The following METTL15 variants were observed in gnomAD, a reference collection of about 807,000 sequenced individuals.
METTL15 encodes methyltransferase 15, mitochondrial 12S rRNA N4-cytidine, also known as 12S rRNA N(4)-cytidine methyltransferase METTL15.
METTL15 carries 34 observed loss-of-function variants against 38.3 expected under a neutral mutation model. The observed-to-expected ratio is 0.89, with a 90% CI of 0.68 to 1.18. The LOEUF (loss-of-function observed/expected upper bound fraction) is 1.18. Among genes scored for constraint, METTL15 ranks in the 50% most tolerant of loss-of-function variants. The pLI is 0.00. For synonymous variants in METTL15, 162 were observed against 170.9 expected (o/e 0.95, Z 0.41); for missense variants, 438 against 498.4 (o/e 0.88, Z 1.15).
intron 5 of METTL15, among the ~76,000 whole-genome samples, chr11:28,383,759 C>G (rs962729090): frequency 6.6e-6 from 1 of 151,904 alleles, no homozygotes; most frequent in Admixed American, 6.6e-5. Flanking sequence ...ATGTGTATGT[C>G]TTCTTTTCAA....
intron 6 of METTL15, among the ~76,000 whole-genome samples, chr11:28,313,845 T>G (rs1857389659): frequency 6.6e-6 from 1 of 152,100 alleles, no homozygotes; most frequent in Admixed American, 6.5e-5. Context: ...TTTAAGGGAT[T>G]TTTTTTGGAA....
At chr11:28,273,239 T>A (rs1855715504) in intron 4 of METTL15, among the ~76,000 whole-genome samples, 1 of 152,122 alleles carries the variant, frequency 6.6e-6, no homozygotes, top group Non-Finnish European at 1.5e-5. Flanking sequence ...TTCTTAAAGA[T>A]CTCAAAAGCA....
chr11:28,210,706 A>G (rs1351411639), intron 3 of METTL15, among the ~76,000 whole-genome samples: 3 of 152,034 alleles, frequency 2.0e-5, no homozygotes, highest in Non-Finnish European at 2.9e-5. Context: ...CCATCTCTAA[A>G]TGAGAAATTA....
chr11:28,271,130 A>G (rs1459017410), intron 4 of METTL15, among the ~76,000 whole-genome samples: 1 of 152,172 alleles, frequency 6.6e-6, no homozygotes, highest in African/African-American at 2.4e-5. Flanking sequence ...TCATTATTAA[A>G]CAGGCCGGAC....
chr11:28,362,111 G>A (rs1467396106), intron 5 of METTL15: 1 of 152,122 alleles, frequency 6.6e-6, no homozygotes, highest in Non-Finnish European at 1.5e-5. Context: ...AACACCAGTT[G>A]TATCAGCAAA....
At chr11:28,338,843 C>G (rs765108555) in intron 3 of METTL15, among the ~76,000 whole-genome samples, 2 of 152,096 alleles carry the variant, frequency 1.3e-5, no homozygotes, top group African/African-American at 4.8e-5. Flanking sequence ...CTTACAACAA[C>G]TAGAAACCCT....
chr11:28,390,816 G>T (rs925243620), intron 5 of METTL15, among the ~76,000 whole-genome samples: 2 of 152,036 alleles, frequency 1.3e-5, no homozygotes, highest in Non-Finnish European at 2.9e-5. Context: ...AAATTACCTT[G>T]GGCAGTATAG....
At chr11:28,500,807 G>A (rs1851576139) in intron 6 of METTL15, among the ~76,000 whole-genome samples, 1 of 152,156 alleles carries the variant, frequency 6.6e-6, no homozygotes, top group African/African-American at 2.4e-5. Context: ...ACAGGCGTGA[G>A]CCACTGCACC....
intron 5 of METTL15, among the ~76,000 whole-genome samples, chr11:28,293,367 G>A (rs1432414630): frequency 6.6e-6 from 1 of 152,164 alleles, no homozygotes; most frequent in Non-Finnish European, 1.5e-5. Context: ...GATAGTTGTA[G>A]ATATGCGGCG....
chr11:28,438,102 C>T (rs1285735276), intron 6 of METTL15, among the ~76,000 whole-genome samples: 2 of 152,184 alleles, frequency 1.3e-5, no homozygotes, highest in African/African-American at 4.8e-5. Context: ...TAAGAAGTTA[C>T]ACTTTACATT....
intron 6 of METTL15, among the ~76,000 whole-genome samples, chr11:28,319,398 T>G (rs564629635): frequency 6.6e-6 from 1 of 151,828 alleles, no homozygotes; most frequent in South Asian, 2.1e-4. Context: ...GGAAAGAAGC[T>G]CAACAACATT....
intron 3 of METTL15, among the ~76,000 whole-genome samples, chr11:28,194,133 T>C (rs1243250831): frequency 8.9e-6 from 1 of 112,448 alleles, no homozygotes; most frequent in African/African-American, 3.4e-5. Context: ...TCTTTCTTTC[T>C]TTCTTTCTTT....
At chr11:28,459,372 AC>A (rs1272045928) in intron 6 of METTL15, among the ~76,000 whole-genome samples, 1 of 152,168 alleles carries the variant, frequency 6.6e-6, no homozygotes, top group African/African-American at 2.4e-5. Context: ...TAAATATTAT[AC>A]AAAATCCCAC....
At position 28,397,467 on chromosome 11, in the gene METTL15, A is replaced by C. The variant is rs527283910; in HGVS notation, c.*359-26832A>C. Among the ~76,000 whole-genome samples the C allele has an allele frequency of 2.5e-3, 387 of 152,316 alleles. 2 individuals carry two copies. Among genetic ancestry groups the C allele is most frequent in the Non-Finnish European group, 4.3e-3 (290 of 68,024 alleles). ...ACTTCTCAAAAGAAGATATTTATGC[A>C]GCCAAAAGACACATGAAAAAATGCT... On this transcript the variant is annotated intron_variant and NMD_transcript_variant, in intron 5 of 7. Transcript: ENST00000532947.
chr11:28,215,978 C>G (rs778629169), intron 4 of METTL15, among the ~76,000 whole-genome samples: 4 of 152,050 alleles, frequency 2.6e-5, no homozygotes, highest in Non-Finnish European at 5.9e-5. Context: ...GCGCTCCAAC[C>G]TTGGTGACAG....
chr11:28,265,093 G>A (rs1855359481), intron 4 of METTL15, among the ~76,000 whole-genome samples: 1 of 152,100 alleles, frequency 6.6e-6, no homozygotes, highest in South Asian at 2.1e-4. Flanking sequence ...ATTCTGTGGT[G>A]TGATAAGAGT....
chr11:28,466,623 C>T lies in METTL15; in HGVS notation c.*424+42259C>T, dbSNP rs923639435. ...CAACCCCAGCCTCACTCCTTCCGTCCGGCTAAGGTGCTGCGGCTCCCTCGG... is the reference window on the plus strand; with the variant it reads ...CAACCCCAGCCTCACTCCTTCCGTCTGGCTAAGGTGCTGCGGCTCCCTCGG... On this transcript the variant is annotated intron_variant and NMD_transcript_variant, in intron 6 of 7. Transcript: ENST00000532947. Among the ~76,000 whole-genome samples the T allele has an allele frequency of 5.9e-5, 9 of 152,164 alleles. No homozygotes were observed. The East Asian group carries it at 1.5e-3, about 26-fold the overall frequency.
intron 4 of METTL15, among the ~76,000 whole-genome samples, chr11:28,277,889 A>C (rs1855903885): frequency 6.6e-6 from 1 of 152,120 alleles, no homozygotes; most frequent in South Asian, 2.1e-4. Context: ...AGAGACTAGG[A>C]AAGGTGACTG....
At chr11:28,439,122 A>AT (rs1851011449) in intron 6 of METTL15, among the ~76,000 whole-genome samples, 2 of 151,898 alleles carry the variant, frequency 1.3e-5, no homozygotes, top group African/African-American at 4.8e-5. Context: ...GGATCTCTGG[A>AT]TTTTTGTTCA....
Sources: gnomAD v4.1 joint callset for allele counts (sites outside exome capture counted in the v4.1 genomes callset) on GRCh38, gnomAD v4.1.1 for gene constraint, MANE v1.5 for transcripts, NCBI Gene and HGNC (gene_info 2026-07-23, HGNC 2026-07-21) for gene names.